CTNNA2: variants seen among roughly 807,000 people sequenced by gnomAD.
The protein encoded by CTNNA2 is catenin alpha-2.
Under a neutral mutation model 101.0 loss-of-function variants are expected in CTNNA2, and 42 were observed. The ratio of observed to expected loss-of-function variants is 0.42; its 90% CI spans 0.32 to 0.54. The LOEUF (loss-of-function observed/expected upper bound fraction) is 0.54. Ranked by LOEUF, CTNNA2 falls within the 20% of genes least tolerant of loss-of-function variation. The probability of loss-of-function intolerance (pLI) is 0.14; values close to 1 mark genes in which losing one functional copy is unlikely to be tolerated. For missense variants in CTNNA2, 871 were observed against 1,223.1 expected (o/e 0.71, Z 4.29); for synonymous variants, 450 against 456.4 (o/e 0.99, Z 0.18).
intron 9 of CTNNA2, among the ~76,000 whole-genome samples, chr2:80,529,125 A>T (rs1052581237): frequency 3.9e-5 from 6 of 152,192 alleles, no homozygotes; most frequent in Non-Finnish European, 5.9e-5. Context: ...GACAAACACC[A>T]GAGTAGTTTT....
intron 4 of CTNNA2, among the ~76,000 whole-genome samples, chr2:79,391,356 A>G (rs1266833817): frequency 6.6e-6 from 1 of 152,164 alleles, no homozygotes; most frequent in Non-Finnish European, 1.5e-5. Flanking sequence ...CACTTAATGG[A>G]TAGTAAATAT....
chr2:79,913,334 T>C (rs1455069222), intron 7 of CTNNA2, among the ~76,000 whole-genome samples: 2 of 152,296 alleles, frequency 1.3e-5, no homozygotes, highest in East Asian at 3.9e-4. Context: ...TTGCTGTGAA[T>C]GGGTGCCTGG....
rs1355269596 is a variant in CTNNA2, at chr2:80,232,371, T to G, written c.1057-160840T>G. ...TTTTTTTTTTTTTTTTTTTTTTTTT[T>G]TTTTTTTTTTTTTTTTTGTTAACAC... On this transcript the variant is annotated intron_variant, in intron 7 of 18. Transcript: ENST00000402739. 1.7e-3 allele frequency among the ~76,000 whole-genome samples: 109 copies of G among 64,466 alleles called. 2 individuals carry two copies. Among genetic ancestry groups the G allele is most frequent in the African/African-American group, 3.2e-3 (84 of 25,894 alleles). 42.3% of individuals were successfully genotyped at this position (64,466 alleles called of 152,430 possible).
At chr2:79,468,335 G>T (rs368913436) in intron 4 of CTNNA2, among the ~76,000 whole-genome samples, 28 of 152,196 alleles carry the variant, frequency 1.8e-4, no homozygotes, top group South Asian at 4.1e-4. Flanking sequence ...CTAACTATCC[G>T]AAATATATAT....
chr2:80,504,113 A>G (rs917573716), intron 9 of CTNNA2, among the ~76,000 whole-genome samples: 7 of 152,208 alleles, frequency 4.6e-5, no homozygotes, highest in Admixed American at 4.6e-4. Context: ...GGGCCTCACC[A>G]GGGTTAAATC....
At position 80,413,011 on chromosome 2, in the gene CTNNA2, T is replaced by C. The variant is rs952930304; in HGVS notation, c.1138-6438T>C. Among the ~76,000 whole-genome samples the C allele has an allele frequency of 2.6e-5, 4 of 152,122 alleles. No homozygotes were observed. The East Asian group carries it at 5.8e-4, about 22-fold the overall frequency. ...CAGGCACTACAGAGTTACATGGCAATGGTATGGATAGAAGGAGATAGAAGA... is the reference window on the plus strand; with the variant it reads ...CAGGCACTACAGAGTTACATGGCAACGGTATGGATAGAAGGAGATAGAAGA... On this transcript the variant is annotated intron_variant, in intron 8 of 18. Transcript: ENST00000402739.
intron 2 of CTNNA2, among the ~76,000 whole-genome samples, chr2:79,684,909 G>A (rs116760360): frequency 0.024 from 3,608 of 152,064 alleles, 140 homozygotes; most frequent in African/African-American, 0.082. Context: ...TGTGAGCTCC[G>A]CCCTCTTTCC....
At chr2:79,778,923 C>T (rs961164466) in intron 3 of CTNNA2, among the ~76,000 whole-genome samples, 1 of 152,202 alleles carries the variant, frequency 6.6e-6, no homozygotes, top group Non-Finnish European at 1.5e-5. Flanking sequence ...TTTGCAGGCA[C>T]TATTAAAACA....
chr2:79,965,928 T>C (rs946858342), intron 7 of CTNNA2, among the ~76,000 whole-genome samples: 3 of 150,394 alleles, frequency 2.0e-5, no homozygotes, highest in African/African-American at 7.3e-5. Flanking sequence ...AATCAAGATA[T>C]TGGTATCTTG....
chr2:79,524,213 C>T (rs1443248549), intron 1 of CTNNA2, among the ~76,000 whole-genome samples: 2 of 152,000 alleles, frequency 1.3e-5, no homozygotes, highest in Middle Eastern at 3.4e-3. Flanking sequence ...TTTCCATTGG[C>T]AGGTCTCTTT....
chr2:79,568,641 A>G (rs1329492044), intron 1 of CTNNA2, among the ~76,000 whole-genome samples: 3 of 151,842 alleles, frequency 2.0e-5, no homozygotes, highest in Non-Finnish European at 2.9e-5. Flanking sequence ...AAAGAAAAGA[A>G]CCTTCAGGTT....
intron 2 of CTNNA2, among the ~76,000 whole-genome samples, chr2:79,697,130 A>G (rs1684700180): frequency 6.6e-6 from 1 of 152,040 alleles, no homozygotes; most frequent in African/African-American, 2.4e-5. Flanking sequence ...TATCAATATG[A>G]GTCTTAACAA....
At chr2:80,158,388 T>C (rs1704109292) in intron 7 of CTNNA2, among the ~76,000 whole-genome samples, 2 of 152,326 alleles carry the variant, frequency 1.3e-5, no homozygotes, top group South Asian at 4.1e-4. Flanking sequence ...GAGACCTGTA[T>C]GCTCTTTCCC....
In CTNNA2 at chr2:79,473,407, G is replaced by A. The variant is rs181109592; in HGVS notation, c.-134-31647G>A. ...ACACACATACATTTTCAATCTCTCT[G>A]TCTCTCTCCCTCTCTCTCACATGTA... On this transcript the variant is annotated intron_variant, in intron 4 of 21. Transcript: ENST00000466387. Among the ~76,000 whole-genome samples the A allele has an allele frequency of 3.9e-3, 597 of 151,656 alleles. 4 individuals are homozygous for A. The highest frequency in any genetic ancestry group is 0.013 in the African/African-American group (548 of 41,344).
chr2:79,605,241 G>A (rs1038187869), intron 1 of CTNNA2, among the ~76,000 whole-genome samples: 2 of 152,050 alleles, frequency 1.3e-5, no homozygotes, highest in Admixed American at 6.6e-5. Flanking sequence ...TGGTAGATTC[G>A]CCATGATAGG....
chr2:80,145,988 G>A (rs1703305397), intron 7 of CTNNA2, among the ~76,000 whole-genome samples: 1 of 152,190 alleles, frequency 6.6e-6, no homozygotes, highest in Non-Finnish European at 1.5e-5. Context: ...AATGTGGCAG[G>A]AGTATACTCT....
At chr2:80,483,475 A>G (rs1236326832) in intron 9 of CTNNA2, among the ~76,000 whole-genome samples, 1 of 151,864 alleles carries the variant, frequency 6.6e-6, no homozygotes, top group Non-Finnish European at 1.5e-5. Context: ...TTTTAATTAC[A>G]TGATTCAATG....
chr2:79,869,515 G>T (rs1438449935), intron 4 of CTNNA2, among the ~76,000 whole-genome samples: 1 of 151,880 alleles, frequency 6.6e-6, no homozygotes, highest in Non-Finnish European at 1.5e-5. Flanking sequence ...TTTCCTTAGT[G>T]TTTCTACTTA....
At chr2:80,008,553 C>T (rs745374469) in intron 7 of CTNNA2, among the ~76,000 whole-genome samples, 1 of 152,166 alleles carries the variant, frequency 6.6e-6, no homozygotes, top group East Asian at 1.9e-4. Context: ...ATGGGAGGAA[C>T]CGAGGAAACA....
Sources: gnomAD v4.1 joint callset for allele counts (sites outside exome capture counted in the v4.1 genomes callset) on GRCh38, gnomAD v4.1.1 for gene constraint, MANE v1.5 for transcripts, NCBI Gene and HGNC (gene_info 2026-07-23, HGNC 2026-07-21) for gene names.